SYT1: variants seen among roughly 807,000 people sequenced by gnomAD.
SYT1 encodes the protein synaptotagmin-1.
Under a neutral mutation model 44.8 loss-of-function variants are expected in SYT1, and 8 were observed. The ratio of observed to expected loss-of-function variants is 0.18; its 90% CI spans 0.10 to 0.32. The LOEUF is 0.32. SYT1 is among the 10% of genes least tolerant of loss of function. SYT1 has a pLI of 1.00. For missense variants in SYT1, 286 were observed against 509.3 expected (o/e 0.56, Z 4.22); for synonymous variants, 154 against 188.8 (o/e 0.82, Z 1.51).
At chr12:79,235,728 A>T (rs1195396803) in intron 4 of SYT1, among the ~76,000 whole-genome samples, 1 of 151,298 alleles carries the variant, frequency 6.6e-6, no homozygotes, top group Non-Finnish European at 1.5e-5. Flanking sequence ...ATATGAGCAA[A>T]ATATTTTTAA....
At chr12:78,902,196 G>GTA (rs34023787) in intron 1 of SYT1, among the ~76,000 whole-genome samples, 5,176 of 149,130 alleles carry the variant, frequency 0.035, 268 homozygotes, top group African/African-American at 0.12. Flanking sequence ...TAATAAATAT[G>GTA]TATATATATA....
chr12:79,079,878 T>TAAAAATA (rs1876909766), intron 3 of SYT1, among the ~76,000 whole-genome samples: 1 of 152,064 alleles, frequency 6.6e-6, no homozygotes, highest in African/African-American at 2.4e-5. Flanking sequence ...ATCTGTCCTT[T>TAAAAATA]GTGCTGACTC....
chr12:78,898,709 G>C (rs1404145946), intron 1 of SYT1, among the ~76,000 whole-genome samples: 1 of 152,082 alleles, frequency 6.6e-6, no homozygotes, highest in African/African-American at 2.4e-5. Context: ...CTGGGTTTTA[G>C]AGAACAGGAG....
intron 8 of SYT1, among the ~76,000 whole-genome samples, chr12:79,335,730 A>G (rs1440946852): frequency 1.3e-5 from 2 of 152,128 alleles, no homozygotes; most frequent in African/African-American, 4.8e-5. Context: ...TAAACCTCTC[A>G]TGCTACCTTT....
At chr12:79,024,222 G>GT (rs1872378602) in intron 2 of SYT1, among the ~76,000 whole-genome samples, 1 of 151,710 alleles carries the variant, frequency 6.6e-6, no homozygotes. Flanking sequence ...ATTCAAAGAC[G>GT]TATTTGCTGG....
At chr12:79,023,965 T>C (rs1565767985) in intron 2 of SYT1, among the ~76,000 whole-genome samples, 1 of 151,752 alleles carries the variant, frequency 6.6e-6, no homozygotes. Flanking sequence ...CATCAGGAAA[T>C]TTCACATTGA....
intron 9 of SYT1, among the ~76,000 whole-genome samples, chr12:79,396,455 C>G (rs948419894): frequency 5.3e-5 from 8 of 152,130 alleles, no homozygotes; most frequent in African/African-American, 1.4e-4. Flanking sequence ...TGCCAGGGCT[C>G]TATCCCAAGA....
intron 3 of SYT1, among the ~76,000 whole-genome samples, chr12:79,155,087 A>G (rs1244197835): frequency 6.6e-6 from 1 of 152,234 alleles, no homozygotes; most frequent in Non-Finnish European, 1.5e-5. Context: ...AATTAAAAGT[A>G]TATCAACATC....
intron 2 of SYT1, among the ~76,000 whole-genome samples, chr12:78,988,294 A>G (rs1869791279): frequency 6.6e-6 from 1 of 151,334 alleles, no homozygotes; most frequent in Non-Finnish European, 1.5e-5. Context: ...CAACATAAAT[A>G]TATCTATGTT....
intron 1 of SYT1, among the ~76,000 whole-genome samples, chr12:78,899,646 C>A (rs913172441): frequency 6.6e-6 from 1 of 151,164 alleles, no homozygotes; most frequent in African/African-American, 2.4e-5. Flanking sequence ...AGAAAGTTTT[C>A]TCTTTGAAAT....
chr12:78,908,466 G>C (rs1281760283), intron 1 of SYT1, among the ~76,000 whole-genome samples: 1 of 151,618 alleles, frequency 6.6e-6, no homozygotes, highest in Non-Finnish European at 1.5e-5. Context: ...CAGAAGCTCA[G>C]GCTACAGTCT....
At chr12:79,404,072 C>T (rs1760021203) in intron 9 of SYT1, among the ~76,000 whole-genome samples, 1 of 152,092 alleles carries the variant, frequency 6.6e-6, no homozygotes, top group Non-Finnish European at 1.5e-5. Flanking sequence ...AAAGCCAGAG[C>T]TCCAAGGATA....
chr12:79,444,639 TATTAAAAGATG>T lies in SYT1; in HGVS notation c.1062+439_1062+449del, dbSNP rs545548739. ...CTAAATATGCAGCATATTGAGTCTTTATTAAAAGATGATTAACAATAGAAAAATTAGGCTAA... is the reference window on the plus strand; with the variant it reads ...CTAAATATGCAGCATATTGAGTCTTTATTAACAATAGAAAAATTAGGCTAA... On this transcript the variant is annotated intron_variant, in intron 10 of 10. Transcript: ENST00000261205. 5.4e-3 allele frequency among the ~76,000 whole-genome samples: 825 copies of T among 152,278 alleles called. 1 individual carries two copies. The highest frequency in any genetic ancestry group is 0.01 in the Middle Eastern group (3 of 292).
At chr12:79,436,925 A>C (rs1489661552) in intron 9 of SYT1, among the ~76,000 whole-genome samples, 3 of 152,210 alleles carry the variant, frequency 2.0e-5, no homozygotes, top group Admixed American at 6.5e-5. Flanking sequence ...GTACAGAAGA[A>C]AATGCTGCAG....
intron 8 of SYT1, among the ~76,000 whole-genome samples, chr12:79,322,415 T>G (rs1329136593): frequency 6.6e-6 from 1 of 152,216 alleles, no homozygotes; most frequent in East Asian, 1.9e-4. Context: ...AACTTTCATG[T>G]TCCATATATT....
chr12:79,147,799 G>A (rs1439324254), intron 3 of SYT1, among the ~76,000 whole-genome samples: 2 of 152,128 alleles, frequency 1.3e-5, no homozygotes, highest in East Asian at 1.9e-4. Context: ...ATATTTTAAT[G>A]TTTTAGTATT....
chr12:78,905,777 AT>A (rs201250048), intron 1 of SYT1, among the ~76,000 whole-genome samples: 14 of 151,308 alleles, frequency 9.3e-5, no homozygotes, highest in Admixed American at 2.0e-4. Flanking sequence ...GACCTTTTTA[AT>A]TTTTTTTTAA....
intron 9 of SYT1, among the ~76,000 whole-genome samples, chr12:79,402,907 G>A (rs1885120093): frequency 6.6e-6 from 1 of 152,150 alleles, no homozygotes; most frequent in South Asian, 2.1e-4. Flanking sequence ...GAGAGATACA[G>A]TTAGTTTTTG....
intron 3 of SYT1, among the ~76,000 whole-genome samples, chr12:79,075,240 A>C (rs775301910): frequency 6.6e-6 from 1 of 152,142 alleles, no homozygotes; most frequent in Non-Finnish European, 1.5e-5. Flanking sequence ...CTTGAATTTC[A>C]TAGTGAATTT....
Sources: gnomAD v4.1 joint callset for allele counts (sites outside exome capture counted in the v4.1 genomes callset) on GRCh38, gnomAD v4.1.1 for gene constraint, MANE v1.5 for transcripts, NCBI Gene and HGNC (gene_info 2026-07-23, HGNC 2026-07-21) for gene names.